PWP1: variants seen among roughly 807,000 people sequenced by gnomAD.
PWP1 encodes the protein PWP1 homolog, endonuclein, also known as periodic tryptophan protein 1 homolog.
In PWP1, 47 loss-of-function variants were observed where a neutral mutation model predicts 69.9. That is an observed-to-expected ratio of 0.67 (90% CI 0.53 to 0.86). PWP1 has a LOEUF of 0.86. PWP1 is among the 40% of genes least tolerant of loss of function. PWP1 has a pLI of 0.00. For synonymous variants in PWP1, 222 were observed against 208.2 expected, an observed-to-expected ratio of 1.07 and a Z score of -0.57; for missense variants, 551 against 608.8, an observed-to-expected ratio of 0.91 and a Z score of 1.00.
At chr12:107,686,892 G>C (rs1176915770) in intron 1 of PWP1, among the ~76,000 whole-genome samples, 1 of 147,804 alleles carries the variant, frequency 6.8e-6, no homozygotes, top group Non-Finnish European at 1.5e-5. Flanking sequence ...CGTGAACCCG[G>C]GAGGCGGAGC....
rs1300428671 is a variant in PWP1, at chr12:107,692,837, C to G, written c.343C>G (p.Leu115Val). 6.2e-7 allele frequency: 1 copy of G among 1,613,724 alleles called. No homozygotes were observed. Among genetic ancestry groups the G allele is most frequent in the Non-Finnish European group, 8.5e-7 (1 of 1,179,752 alleles). Residue 115 changes from leucine (L) to valine (V), a missense_variant, in exon 4 of 15, where the codon CTC (leucine) becomes GTC (valine). Leu to Val is a conservative substitution (Grantham distance 32). Coordinates refer to ENST00000412830, the MANE Select transcript of PWP1 (RefSeq NM_007062.3). ...AGATGCTGAGACTCTTGGTGAATCT[C>G]TCTTGGGTCTTACGGTCTACGGGAG... is the stretch of plus-strand genomic sequence containing the variant. Reference protein sequence around the residue: ...DPDAETLGESLLGLTVYGSND... With the variant: ...DPDAETLGESVLGLTVYGSND...
rs184583535 is a variant in PWP1, at chr12:107,686,760, A to G, written c.72+789A>G. Among the ~76,000 whole-genome samples the G allele has an allele frequency of 3.6e-3, 552 of 152,242 alleles. 3 individuals are homozygous for G. Among genetic ancestry groups the G allele is most frequent in the African/African-American group, 0.012 (501 of 41,546 alleles). On this transcript the variant is annotated intron_variant, in intron 1 of 14. Transcript: ENST00000412830. ...GGCGGGCGGATCACGAGGTCAGGAG[A>G]TCGAGAGCATCCTGGCTAACACGGT...
At chr12:107,710,571 AAAG>A in intron 14 of PWP1, 61 bp downstream of exon 14, 15 of 1,459,864 alleles carry the variant, frequency 1.0e-5, no homozygotes, top group East Asian at 7.3e-5. Flanking sequence ...AAAAAAAAAA[AAAG>A]ACAGGGTCTC....
In PWP1 at chr12:107,707,794, C is replaced by T. The variant is rs563118132; in HGVS notation, c.1078-1132C>T. On this transcript the variant is annotated intron_variant, in intron 11 of 14. Coordinates refer to ENST00000412830, the MANE Select transcript of PWP1 (RefSeq NM_007062.3). ...AAGCTTTTTGATGTGCTGCTGGATT[C>T]GGTTTGCCAGTATTTTATTGAGGAT... Among the ~76,000 whole-genome samples the T allele has an allele frequency of 7.4e-4, 112 of 152,124 alleles. No homozygotes were observed. The East Asian group carries it at 0.019, about 26-fold the overall frequency.
intron 1 of PWP1, among the ~76,000 whole-genome samples, chr12:107,686,570 C>G (rs1349781771): frequency 6.6e-6 from 1 of 152,228 alleles, no homozygotes; most frequent in Non-Finnish European, 1.5e-5. Context: ...GAGACTGAGA[C>G]TGTAGCAGAG....
At position 107,703,721 on chromosome 12, in the gene PWP1, ACT is replaced by A. The variant is rs1566081411; in HGVS notation, c.943_944del (p.Leu315AspfsTer6). On this transcript the variant is annotated frameshift_variant, in exon 10 of 15. Transcript: ENST00000412830. LOFTEE classifies it high-confidence loss of function. ...GCAGTTTCATCCATTTGAAGCACAG[ACT>A]CTGATTTCTGGCTCATATGATAAGT... Reference protein sequence around the residue: ...TLQFHPFEAQTLISGSYDKSV... With the variant: ...TLQFHPFEAQXLISGSYDKSV... The A allele has an allele frequency of 6.2e-7, 1 of 1,605,168 alleles. No homozygotes were observed. Among genetic ancestry groups the A allele is most frequent in the African/African-American group, 1.3e-5 (1 of 74,658 alleles).
At chr12:107,710,549 C>T (rs565798839) in intron 14 of PWP1, 39 bp downstream of exon 14, 1 of 1,260,156 alleles carries the variant, frequency 7.9e-7, no homozygotes, top group Non-Finnish European at 1.1e-6. Flanking sequence ...CCCCCTGCCC[C>T]TGTAAAAAAA....
In PWP1 at chr12:107,712,624, A is replaced by G. The variant is rs531430891; in HGVS notation, c.*404A>G. The G allele has an allele frequency of 1.1e-3, 168 of 158,826 alleles. No individual in the cohort carries two copies. The highest frequency in any genetic ancestry group is 3.0e-3 in the Middle Eastern group (1 of 338). 9.8% of individuals were successfully genotyped at this position (158,826 alleles called of 1,614,324 possible). A position where few individuals can be genotyped will look rare whatever the true frequency, so the allele number is the denominator to read the frequency against. On this transcript the variant is annotated 3_prime_UTR_variant, in exon 15 of 15. Coordinates refer to ENST00000412830, the MANE Select transcript of PWP1 (RefSeq NM_007062.3). The stretch of plus-strand genomic sequence containing the variant: ...GGCTAAAATTGCACAGGAGGCCATG[A>G]ACAGAGGCAAGTGCCCCAGAGACTC...
rs1165905603 is a variant in PWP1, at chr12:107,685,874, C to T, written c.-26C>T. ...CCTCCCTATGCAGCCTGGTTTCTAG[C>T]GTGACACGCCCTTGACTTGAGGACC... On this transcript the variant is annotated 5_prime_UTR_variant, in exon 1 of 15. Transcript: ENST00000412830. The T allele has an allele frequency of 6.2e-7, 1 of 1,613,050 alleles. No individual in the cohort carries two copies. The highest frequency in any genetic ancestry group is 8.5e-7 in the Non-Finnish European group (1 of 1,179,408).
chr12:107,686,846 G>A (rs1258631090), intron 1 of PWP1, among the ~76,000 whole-genome samples: 2 of 152,028 alleles, frequency 1.3e-5, no homozygotes, highest in Admixed American at 6.5e-5. Context: ...GATGCCTGTA[G>A]TCCCAGCTAC....
chr12:107,709,050 A>C (rs778526615), intron 12 of PWP1, 34 bp downstream of exon 12: 7 of 1,613,176 alleles, frequency 4.3e-6, no homozygotes, highest in Non-Finnish European at 5.1e-6. Context: ...CATTTTTCTT[A>C]ACTTATGATG....
At chr12:107,706,498 G>A (rs1190563653) in intron 11 of PWP1, among the ~76,000 whole-genome samples, 1 of 152,140 alleles carries the variant, frequency 6.6e-6, no homozygotes, top group African/African-American at 2.4e-5. Flanking sequence ...GTATTGCCTA[G>A]GTTTTCTTCT....
At position 107,685,989 on chromosome 12, in the gene PWP1, G is replaced by A; in HGVS notation, c.72+18G>A. On this transcript the variant is annotated intron_variant, in intron 1 of 14. Transcript: ENST00000412830. ...CAGACAAGGTGAGGCCTGGTCGCTG[G>A]GAGACAAGGGGAGCAGCGTCTTTAC... 6.2e-7 allele frequency: 1 copy of A among 1,612,738 alleles called. No individual in the cohort carries two copies. Among genetic ancestry groups the A allele is most frequent in the Non-Finnish European group, 8.5e-7 (1 of 1,179,018 alleles).
In PWP1 at chr12:107,712,156, C is replaced by T. The variant is rs1426517210; in HGVS notation, c.1442C>T (p.Ala481Val). 6.2e-7 allele frequency: 1 copy of T among 1,613,900 alleles called. No individual in the cohort carries two copies. Among genetic ancestry groups the T allele is most frequent in the Non-Finnish European group, 8.5e-7 (1 of 1,179,948 alleles). The change falls in exon 15 of 15, where the codon GCA becomes GTA. Residue 481 changes from alanine to valine, a missense_variant. Ala to Val is a moderately conservative substitution (Grantham distance 64). Transcript: ENST00000412830. ...GRRERLVLGS[A>V]RNSSISGPFG... The stretch of plus-strand genomic sequence containing the variant: ...CGAGAGAGGCTTGTTCTTGGGAGTG[C>T]AAGAAATTCATCTATTAGTGGCCCT...
At chr12:107,703,587 T>C (rs1160056737) in intron 9 of PWP1, 98 bp from the exon 10 acceptor site, 1 of 1,027,072 alleles carries the variant, frequency 9.7e-7, no homozygotes, top group East Asian at 2.4e-5. Context: ...AGGGACGCAT[T>C]TATAGAAATA....
At chr12:107,699,458 G>C in intron 8 of PWP1, 24 bp downstream of exon 8, 1 of 1,579,328 alleles carries the variant, frequency 6.3e-7, no homozygotes, top group Non-Finnish European at 8.7e-7. Flanking sequence ...ACATTTGAAT[G>C]ATTGTAAAAG....
chr12:107,704,469 C>G (rs1369884703), intron 10 of PWP1, among the ~76,000 whole-genome samples, 167 bp from the exon 11 acceptor site: 1 of 152,172 alleles, frequency 6.6e-6, no homozygotes, highest in Non-Finnish European at 1.5e-5. Flanking sequence ...TCAGAATCCA[C>G]CAATTACTGA....
chr12:107,710,554 A>T, intron 14 of PWP1, 44 bp downstream of exon 14: 6 of 490,258 alleles, frequency 1.2e-5, no homozygotes, highest in East Asian at 5.7e-4. Flanking sequence ...TGCCCCTGTA[A>T]AAAAAAAAAA....
chr12:107,689,469 G>C (rs954174383), intron 3 of PWP1, among the ~76,000 whole-genome samples: 2 of 152,160 alleles, frequency 1.3e-5, no homozygotes, highest in Non-Finnish European at 2.9e-5. Context: ...AAGAGGCCAG[G>C]TGCACGTGAC....
Sources: gnomAD v4.1 joint callset for allele counts (sites outside exome capture counted in the v4.1 genomes callset) on GRCh38, gnomAD v4.1.1 for gene constraint, MANE v1.5 for transcripts, NCBI Gene and HGNC (gene_info 2026-07-23, HGNC 2026-07-21) for gene names.